Variants in ZMYM2 observed in about 807,000 individuals in gnomAD.
ZMYM2 encodes the protein zinc finger MYM-type containing 2.
Under a neutral mutation model 162.8 loss-of-function variants are expected in ZMYM2, and 56 were observed. The observed-to-expected ratio is 0.34, with a 90% CI of 0.28 to 0.43. ZMYM2 has a LOEUF of 0.43. Ranked by LOEUF, ZMYM2 falls within the 20% of genes least tolerant of loss-of-function variation. The pLI is 1.00. For missense variants in ZMYM2, 1,275 were observed against 1,621.8 expected, an observed-to-expected ratio of 0.79 and a Z score of 3.67; for synonymous variants, 510 against 541.6, an observed-to-expected ratio of 0.94 and a Z score of 0.81.
At chr13:20,019,525 G>A (rs1346720237) in intron 6 of ZMYM2, 22 bp from the exon 7 acceptor site, 1 of 1,554,640 alleles carries the variant, frequency 6.4e-7, no homozygotes, top group South Asian at 1.2e-5. Flanking sequence ...TGTTTATAAA[G>A]TCTTTTAAAA....
the ZMYM2 span, among the ~76,000 whole-genome samples, chr13:19,873,125 A>G: frequency 6.6e-6 from 1 of 152,194 alleles, no homozygotes; most frequent in Non-Finnish European, 1.5e-5. Flanking sequence ...CATTGCAGCC[A>G]TAATGACAGA....
In ZMYM2 at chr13:20,088,779, T is replaced by A. The variant is rs1201584608; in HGVS notation, c.*2765T>A. ...TATCACTGTTTTTTCTGACAGACTT[T>A]CCCTTTGTCCTTTCTAGTTATGACT... On this transcript the variant is annotated 3_prime_UTR_variant, in exon 25 of 25. Coordinates refer to ENST00000610343, the MANE Select transcript of ZMYM2 (RefSeq NM_197968.4). The A allele has an allele frequency of 5.1e-6, 1 of 195,402 alleles. No individual in the cohort carries two copies. Among genetic ancestry groups the A allele is most frequent in the Non-Finnish European group, 1.1e-5 (1 of 93,844 alleles). 12.1% of individuals were successfully genotyped at this position (195,402 alleles called of 1,614,324 possible).
At chr13:19,879,655 A>G in the ZMYM2 span, among the ~76,000 whole-genome samples, 1,833 of 152,270 alleles carry the variant, frequency 0.012, 37 homozygotes, top group African/African-American at 0.04. Flanking sequence ...TAAATTTTAG[A>G]GTGGGCTTTT....
At chr13:20,046,680 T>C (rs1954859419) in intron 12 of ZMYM2, among the ~76,000 whole-genome samples, 1 of 150,752 alleles carries the variant, frequency 6.6e-6, no homozygotes, top group African/African-American at 2.4e-5. Context: ...TGTGTGTATA[T>C]ATGTATATAT....
chr13:19,993,522 C>T lies in ZMYM2; in HGVS notation c.450C>T (p.Thr150=). Residue 150 remains threonine (T), a synonymous_variant, in exon 3 of 25, where the codon ACC becomes ACT. Coordinates refer to ENST00000610343, the MANE Select transcript of ZMYM2 (RefSeq NM_197968.4). ...GACCTCCTGAGACTAAAAACAGAAC[C>T]AATGATGTGGATTTCTCCACTTCCA... The part of the protein sequence containing the change: ...ERRPPETKNR[T]NDVDFSTSSF... 6.2e-7 allele frequency: 1 copy of T among 1,613,886 alleles called. No homozygotes were observed. The highest frequency in any genetic ancestry group is 1.1e-5 in the South Asian group (1 of 91,028).
chr13:19,962,307 T>G (rs1955304692), intron 2 of ZMYM2, among the ~76,000 whole-genome samples: 1 of 151,850 alleles, frequency 6.6e-6, no homozygotes, highest in African/African-American at 2.4e-5. Context: ...TGCTCTGGTA[T>G]TAATGTGATG....
At chr13:19,885,947 A>ATATATATGTG in the ZMYM2 span, among the ~76,000 whole-genome samples, 2 of 20,874 alleles carry the variant, frequency 9.6e-5, 1 homozygote, top group Non-Finnish European at 1.8e-4. Flanking sequence ...ATATATATGT[A>ATATATATGTG]TATACACATA....
At chr13:19,881,784 A>G in the ZMYM2 span, among the ~76,000 whole-genome samples, 1,837 of 152,084 alleles carry the variant, frequency 0.012, 39 homozygotes, top group African/African-American at 0.041. Flanking sequence ...CAGGAGTTCA[A>G]GACCACACTG....
At chr13:20,031,799 G>A (rs927665193) in intron 10 of ZMYM2, among the ~76,000 whole-genome samples, 2 of 148,716 alleles carry the variant, frequency 1.3e-5, no homozygotes, top group Non-Finnish European at 3.0e-5. Flanking sequence ...CTCAGTACCT[G>A]TACATATTAG....
chr13:19,959,155 C>CG (rs2138997228), intron 1 of ZMYM2, among the ~76,000 whole-genome samples: 1 of 135,260 alleles, frequency 7.4e-6, no homozygotes, highest in African/African-American at 2.7e-5. Context: ...CCGCCAGCGG[C>CG]GGGGGTCGCG....
At chr13:20,021,463 A>G (rs1048970153) in intron 7 of ZMYM2, among the ~76,000 whole-genome samples, 9 of 142,616 alleles carry the variant, frequency 6.3e-5, no homozygotes, top group Non-Finnish European at 1.1e-4. Flanking sequence ...TTGTTGTATT[A>G]TTTTAAATGT....
chr13:20,061,547 T>G (rs1188349835), intron 17 of ZMYM2, among the ~76,000 whole-genome samples: 2 of 152,122 alleles, frequency 1.3e-5, no homozygotes, highest in Admixed American at 1.3e-4. Flanking sequence ...CTAATGATGA[T>G]CAAAACTCTT....
chr13:19,884,138 AGGC>A, the ZMYM2 span, among the ~76,000 whole-genome samples: 1 of 152,202 alleles, frequency 6.6e-6, no homozygotes, highest in African/African-American at 2.4e-5. Context: ...TGGAAGGCTG[AGGC>A]AGGATTGCTT....
chr13:19,962,036 G>A (rs1034987564), intron 2 of ZMYM2, among the ~76,000 whole-genome samples: 8 of 152,316 alleles, frequency 5.3e-5, no homozygotes, highest in African/African-American at 1.9e-4. Flanking sequence ...TTGGGAGGAA[G>A]ATATAAAGTG....
At chr13:20,041,545 A>G (rs1185370976) in intron 12 of ZMYM2, among the ~76,000 whole-genome samples, 1 of 152,162 alleles carries the variant, frequency 6.6e-6, no homozygotes, top group Non-Finnish European at 1.5e-5. Flanking sequence ...TAGCCTGTTT[A>G]CATTTAAGGT....
intron 2 of ZMYM2, among the ~76,000 whole-genome samples, chr13:19,972,546 G>A (rs1240410313): frequency 6.6e-6 from 1 of 151,984 alleles, no homozygotes; most frequent in Non-Finnish European, 1.5e-5. Context: ...CTGTCGTGAA[G>A]TATTTAATGG....
chr13:19,905,295 G>A, the ZMYM2 span, among the ~76,000 whole-genome samples: 3 of 152,144 alleles, frequency 2.0e-5, no homozygotes, highest in Admixed American at 6.5e-5. Context: ...TTACAGGCGT[G>A]AGCCACTGCG....
the ZMYM2 span, among the ~76,000 whole-genome samples, chr13:19,942,308 C>T: frequency 9.6e-4 from 80 of 83,298 alleles, no homozygotes; most frequent in Non-Finnish European, 1.6e-3. Context: ...ATTTATTATA[C>T]ATATTATACT....
chr13:20,010,977 C>T (rs1951127967), intron 6 of ZMYM2, among the ~76,000 whole-genome samples: 4 of 151,908 alleles, frequency 2.6e-5, no homozygotes, highest in African/African-American at 4.8e-5. Context: ...CTTGTATATA[C>T]GTAGGGGATA....
Sources: gnomAD v4.1 joint callset for allele counts (sites outside exome capture counted in the v4.1 genomes callset) on GRCh38, gnomAD v4.1.1 for gene constraint, MANE v1.5 for transcripts, NCBI Gene and HGNC (gene_info 2026-07-23, HGNC 2026-07-21) for gene names.